The following ASTN1 variants were observed in gnomAD, a reference collection of about 807,000 sequenced individuals.
ASTN1 encodes astrotactin-1.
ASTN1 carries 41 observed loss-of-function variants against 140.7 expected under a neutral mutation model. The observed-to-expected ratio is 0.29, with a 90% CI of 0.23 to 0.38. The LOEUF (loss-of-function observed/expected upper bound fraction) is 0.38. Among genes scored for constraint, ASTN1 ranks in the 10% least tolerant of loss-of-function variants. The probability of loss-of-function intolerance (pLI) is 1.00; values close to 1 mark genes in which losing one functional copy is unlikely to be tolerated. For synonymous variants in ASTN1, 640 were observed against 652.2 expected (o/e 0.98, Z 0.29); for missense variants, 1,479 against 1,678.8 (o/e 0.88, Z 2.08).
At chr1:176,944,220 G>A in intron 13 of ASTN1, among the ~76,000 whole-genome samples, 1 of 152,026 alleles carries the variant, frequency 6.6e-6, no homozygotes, top group East Asian at 1.9e-4. Context: ...GGGATTACAG[G>A]CATGTGCCAC....
chr1:177,019,872 T>C (rs1476832393), intron 7 of ASTN1, among the ~76,000 whole-genome samples: 1 of 152,180 alleles, frequency 6.6e-6, no homozygotes, highest in Non-Finnish European at 1.5e-5. Context: ...TATTTTTGTA[T>C]TGTCTTTTTA....
At chr1:177,089,013 C>G (rs1398629924) in intron 1 of ASTN1, among the ~76,000 whole-genome samples, 3 of 152,210 alleles carry the variant, frequency 2.0e-5, no homozygotes, top group Admixed American at 6.5e-5. Flanking sequence ...TCTCCTCTCT[C>G]TCTTCCCAGC....
intron 22 of ASTN1, 124 bp downstream of exon 22, chr1:176,868,720 T>C: frequency 1.4e-5 from 15 of 1,073,382 alleles, no homozygotes; most frequent in Non-Finnish European, 1.8e-5. Context: ...ATCAGAGGAC[T>C]GACTTCTCTG....
At chr1:176,979,855 AAAGAGG>A (rs1341060963) in intron 8 of ASTN1, among the ~76,000 whole-genome samples, 1 of 152,190 alleles carries the variant, frequency 6.6e-6, no homozygotes, top group Non-Finnish European at 1.5e-5. Flanking sequence ...AGAAAGATGA[AAAGAGG>A]AAGAGGAAGA....
intron 1 of ASTN1, among the ~76,000 whole-genome samples, chr1:177,120,026 A>G (rs227521): frequency 0.25 from 38,205 of 152,056 alleles, 7,357 homozygotes; most frequent in African/African-American, 0.55. Flanking sequence ...TCCAGGAAAC[A>G]GCTTCCTCCT....
chr1:177,007,142 C>T (rs1365108065), intron 8 of ASTN1, among the ~76,000 whole-genome samples: 1 of 152,132 alleles, frequency 6.6e-6, no homozygotes, highest in Non-Finnish European at 1.5e-5. Flanking sequence ...CTTGTAATCT[C>T]AGCCACTTTG....
intron 9 of ASTN1, among the ~76,000 whole-genome samples, chr1:176,959,232 A>G (rs1224247657): frequency 1.3e-5 from 2 of 152,198 alleles, no homozygotes; most frequent in East Asian, 3.8e-4. Flanking sequence ...AAGGCATTCA[A>G]ATGCTCTGTG....
intron 11 of ASTN1, 69 bp downstream of exon 11, chr1:176,957,609 T>C (rs898971890): frequency 4.3e-5 from 67 of 1,573,002 alleles, no homozygotes; most frequent in Non-Finnish European, 5.2e-5. Context: ...TGTATCTGTA[T>C]TGTGTCTTCC....
chr1:177,111,698 T>C (rs1197979356), intron 1 of ASTN1, among the ~76,000 whole-genome samples: 1 of 152,094 alleles, frequency 6.6e-6, no homozygotes, highest in Non-Finnish European at 1.5e-5. Context: ...GTACGAGAGT[T>C]TAAGTGCATC....
intron 16 of ASTN1, among the ~76,000 whole-genome samples, chr1:176,924,751 C>T (rs1245685412): frequency 1.3e-5 from 2 of 152,288 alleles, no homozygotes; most frequent in Admixed American, 1.3e-4. Flanking sequence ...AAATTAACTA[C>T]TAAATTGTAT....
At position 176,985,399 on chromosome 1, in the gene ASTN1, CA is replaced by C. The variant is rs538692574; in HGVS notation, c.1524-20163del. ...GCTTGTCTCCCCTCTTACGAGTCCT[CA>C]AGGTTTTTGGAGCTTCTTCTGTTCT... On this transcript the variant is annotated intron_variant, in intron 8 of 22. Transcript: ENST00000361833. Among the ~76,000 whole-genome samples, 7 of 152,156 alleles carry C rather than the reference CA, an allele frequency of 4.6e-5. No homozygotes were observed. The South Asian group carries it at 8.3e-4, about 18-fold the overall frequency.
chr1:177,062,488 T>A (rs1346497646), intron 1 of ASTN1, among the ~76,000 whole-genome samples: 2 of 150,978 alleles, frequency 1.3e-5, no homozygotes, highest in Admixed American at 6.6e-5. Flanking sequence ...TAAGCAATCC[T>A]CCCACCCTGG....
intron 1 of ASTN1, among the ~76,000 whole-genome samples, chr1:177,146,879 C>T (rs923611771): frequency 2.6e-5 from 4 of 152,146 alleles, no homozygotes; most frequent in African/African-American, 2.4e-5. Flanking sequence ...CAGCCTGCAA[C>T]TCAAACAATC....
At chr1:177,071,533 C>T (rs556362265) in intron 1 of ASTN1, among the ~76,000 whole-genome samples, 2 of 152,322 alleles carry the variant, frequency 1.3e-5, no homozygotes, top group South Asian at 4.1e-4. Context: ...CATCCTCATT[C>T]TAGGGAACAG....
At chr1:177,074,529 C>T (rs1017524779) in intron 1 of ASTN1, among the ~76,000 whole-genome samples, 2 of 151,712 alleles carry the variant, frequency 1.3e-5, no homozygotes, top group African/African-American at 4.9e-5. Context: ...GTTACCATGT[C>T]CCCCTTCACA....
Position 176,934,264 on chromosome 1 carries a change from G to A in ASTN1, c.2559C>T (p.Gly853=). Residue 853 remains glycine (G), a synonymous_variant, in exon 16 of 23, where the codon GGC becomes GGT. Coordinates refer to ENST00000361833, the MANE Select transcript of ASTN1 (RefSeq NM_004319.3). ...AGATAGCTTCCTGGATGTAATGGTT[G>A]CCGAACTGGTCCAACAGCGCCACAA... The part of the protein sequence containing the change: ...ADFVALLDQF[G]NHYIQEAIYG... The A allele has an allele frequency of 6.2e-7, 1 of 1,614,038 alleles. No homozygotes were observed.
intron 16 of ASTN1, among the ~76,000 whole-genome samples, chr1:176,908,652 A>G (rs979217838): frequency 9.9e-5 from 15 of 152,150 alleles, no homozygotes; most frequent in Non-Finnish European, 1.6e-4. Context: ...TGGGTTAATA[A>G]CAGAACTCAT....
intron 1 of ASTN1, among the ~76,000 whole-genome samples, chr1:177,138,796 TG>T (rs1302813816): frequency 6.6e-6 from 1 of 152,178 alleles, no homozygotes; most frequent in African/African-American, 2.4e-5. Context: ...GCAGCCTGGG[TG>T]GATCTTATTG....
chr1:177,149,172 A>AATATATAGTGTATATATAGTAAAT (rs1682868922), intron 1 of ASTN1, among the ~76,000 whole-genome samples: 1 of 94,098 alleles, frequency 1.1e-5, no homozygotes, highest in East Asian at 3.4e-4. Flanking sequence ...ATATATAGTA[A>AATATATAGTGTATATATAGTAAAT]ATATATAGTG....
Sources: allele counts gnomAD v4.1 joint callset (sites outside exome capture counted in the v4.1 genomes callset), GRCh38; gene constraint gnomAD v4.1.1; transcripts MANE v1.5; gene names NCBI Gene and HGNC (gene_info 2026-07-23, HGNC 2026-07-21).